ELP4: variants seen among roughly 807,000 people sequenced by gnomAD.
ELP4 encodes the protein elongator complex protein 4.
ELP4 carries 51 observed loss-of-function variants against 48.9 expected under a neutral mutation model. That is an observed-to-expected ratio of 1.04 (90% CI 0.83 to 1.32). The LOEUF (loss-of-function observed/expected upper bound fraction) is 1.32, where lower values mean the gene tolerates loss of function less well. Among genes scored for constraint, ELP4 ranks in the 40% most tolerant of loss-of-function variants. ELP4 has a pLI of 0.00. For synonymous variants in ELP4, 210 were observed against 189.2 expected (o/e 1.11, Z -0.90); for missense variants, 519 against 514.6 (o/e 1.01, Z -0.08).
intron 9 of ELP4, among the ~76,000 whole-genome samples, chr11:31,778,524 C>T (rs182601959): frequency 2.2e-4 from 34 of 152,214 alleles, no homozygotes; most frequent in South Asian, 8.3e-4. Flanking sequence ...TTTTATGAAC[C>T]ACCTCAGATC....
At position 31,536,673 on chromosome 11, in the gene ELP4, A is replaced by G. The variant is rs371713808; in HGVS notation, c.260-2989A>G. ...GGTCTGCCAAACTGTTTTCTAATGTAGTTATAGTGTTTTGCATTGCAACTA... is the reference window on the plus strand; with the variant it reads ...GGTCTGCCAAACTGTTTTCTAATGTGGTTATAGTGTTTTGCATTGCAACTA... On this transcript the variant is annotated intron_variant, in intron 2 of 9. Coordinates refer to ENST00000640961, the MANE Select transcript of ELP4 (RefSeq NM_019040.5). 9.2e-5 allele frequency among the ~76,000 whole-genome samples: 14 copies of G among 152,288 alleles called. No individual in the cohort carries two copies. In the East Asian group the frequency reaches 1.5e-3, roughly 17 times the overall value.
At chr11:31,545,092 A>G (rs955063739) in intron 3 of ELP4, among the ~76,000 whole-genome samples, 1 of 152,234 alleles carries the variant, frequency 6.6e-6, no homozygotes, top group Admixed American at 6.5e-5. Context: ...CTCCTCCTCA[A>G]AAGGATTGCA....
chr11:31,526,579 C>A (rs1229219748), intron 2 of ELP4, among the ~76,000 whole-genome samples: 1 of 151,950 alleles, frequency 6.6e-6, no homozygotes, highest in Non-Finnish European at 1.5e-5. Flanking sequence ...AAATAACTTA[C>A]AGTTATGTCA....
chr11:31,756,741 A>C, intron 9 of ELP4, among the ~76,000 whole-genome samples: 1 of 152,228 alleles, frequency 6.6e-6, no homozygotes, highest in East Asian at 1.9e-4. Flanking sequence ...ATTAAGCAAA[A>C]AAAGTTTTCC....
chr11:31,609,373 A>C (rs1957932859), intron 5 of ELP4, among the ~76,000 whole-genome samples: 1 of 152,110 alleles, frequency 6.6e-6, no homozygotes, highest in Non-Finnish European at 1.5e-5. Context: ...AGGCTTTTTA[A>C]GTTTGCACCA....
chr11:31,729,956 A>G (rs1000092057), intron 9 of ELP4, among the ~76,000 whole-genome samples: 4 of 152,198 alleles, frequency 2.6e-5, no homozygotes, highest in Non-Finnish European at 5.9e-5. Flanking sequence ...GACATCTGCG[A>G]GATTGTAGAA....
chr11:31,728,411 A>G (rs1947120141), intron 9 of ELP4, among the ~76,000 whole-genome samples: 1 of 152,192 alleles, frequency 6.6e-6, no homozygotes, highest in Non-Finnish European at 1.5e-5. Context: ...TCAAGTATAT[A>G]GATACTATTA....
intron 1 of ELP4, among the ~76,000 whole-genome samples, chr11:31,517,416 GGCCTTCCAAAGTGCTGGGATT>G (rs1956135335): frequency 6.6e-6 from 1 of 151,848 alleles, no homozygotes; most frequent in South Asian, 2.1e-4. Flanking sequence ...TGCCTGCCTC[GGCCTTCCAAAGTGCTGGGATT>G]GCAGGTGTGA....
chr11:31,571,804 G>C (rs1434951327), intron 3 of ELP4, among the ~76,000 whole-genome samples: 2 of 152,164 alleles, frequency 1.3e-5, no homozygotes, highest in African/African-American at 2.4e-5. Context: ...ATTTTGAAAG[G>C]ATTGTTTTTT....
At chr11:31,645,047 AGTAAGATCACT>A (rs1056611799) in intron 7 of ELP4, among the ~76,000 whole-genome samples, 2 of 151,818 alleles carry the variant, frequency 1.3e-5, no homozygotes, top group African/African-American at 4.8e-5. Context: ...TGCAGAAAGC[AGTAAGATCACT>A]GTGAAACTAT....
At chr11:31,596,806 TAAAATG>T (rs1447987353) in intron 4 of ELP4, among the ~76,000 whole-genome samples, 1 of 152,034 alleles carries the variant, frequency 6.6e-6, no homozygotes, top group Non-Finnish European at 1.5e-5. Context: ...ACAAATAACT[TAAAATG>T]AAAAAGGAAA....
chr11:31,650,144 C>T lies in ELP4; in HGVS notation c.1066C>T (p.Leu356Phe). ...GLIHIRQIPR[L>F]NNLICDESDV... Reference sequence around the variant, plus strand: ...GATTCATATACGGCAGATTCCTCGGCTTAATAACTTGATCTGTGATGAATC... The same window carrying T: ...GATTCATATACGGCAGATTCCTCGGTTTAATAACTTGATCTGTGATGAATC... Residue 356 changes from leucine (L) to phenylalanine (F), a missense_variant, in exon 9 of 10, where the codon CTT (leucine) becomes TTT (phenylalanine). By Grantham distance (22) the Leu-to-Phe change is conservative. Transcript: ENST00000640961. The T allele has an allele frequency of 6.5e-7, 1 of 1,530,338 alleles. No individual in the cohort carries two copies. Among genetic ancestry groups the T allele is most frequent in the Non-Finnish European group, 9.0e-7 (1 of 1,111,686 alleles). The allele number at this position is 1,530,338 out of a possible 1,614,324, so 94.8% of individuals were successfully genotyped here.
intron 9 of ELP4, 125 bp from the exon 10 acceptor site, chr11:31,783,268 T>C: frequency 1.3e-6 from 1 of 785,352 alleles, no homozygotes. Context: ...GCAGGAATTT[T>C]ATATGCAAGT....
At chr11:31,647,992 T>C (rs1945241118) in intron 8 of ELP4, 143 bp downstream of exon 8, 1 of 557,342 alleles carries the variant, frequency 1.8e-6, no homozygotes. Flanking sequence ...TCCTGTCCAG[T>C]CTTCCATGGC....
chr11:31,575,778 C>T (rs1036373702), intron 3 of ELP4, among the ~76,000 whole-genome samples: 2 of 152,190 alleles, frequency 1.3e-5, no homozygotes, highest in African/African-American at 4.8e-5. Context: ...CTTACAGGAG[C>T]TCGTGAATGA....
intron 4 of ELP4, among the ~76,000 whole-genome samples, chr11:31,603,398 A>G (rs1166679474): frequency 1.3e-5 from 2 of 151,952 alleles, no homozygotes; most frequent in Admixed American, 1.3e-4. Flanking sequence ...TGGCAACTGC[A>G]TATTTAATTT....
chr11:31,757,295 AG>A (rs35175697), intron 9 of ELP4, among the ~76,000 whole-genome samples: 1 of 152,206 alleles, frequency 6.6e-6, no homozygotes, highest in Admixed American at 6.5e-5. Flanking sequence ...AAGGGAAAGC[AG>A]GGGAAGTATA....
chr11:31,717,089 AAATG>A (rs1234792049), intron 9 of ELP4, among the ~76,000 whole-genome samples: 1 of 152,208 alleles, frequency 6.6e-6, no homozygotes, highest in Non-Finnish European at 1.5e-5. Context: ...CAGGAAAAAA[AAATG>A]AATGAGATGG....
At chr11:31,602,576 A>C (rs1240302481) in intron 4 of ELP4, among the ~76,000 whole-genome samples, 3 of 151,986 alleles carry the variant, frequency 2.0e-5, no homozygotes, top group Non-Finnish European at 2.9e-5. Context: ...TCTGAATCTG[A>C]AAAAAGTATT....
Sources: gnomAD v4.1 joint callset for allele counts (sites outside exome capture counted in the v4.1 genomes callset) on GRCh38, gnomAD v4.1.1 for gene constraint, MANE v1.5 for transcripts, NCBI Gene and HGNC (gene_info 2026-07-23, HGNC 2026-07-21) for gene names.